The following MUC7 variants were observed in gnomAD, a reference collection of about 807,000 sequenced individuals.
The protein encoded by MUC7 is mucin-7.
In MUC7, 2 loss-of-function variants were observed where a neutral mutation model predicts 2.5. That is an observed-to-expected ratio of 0.81 (90% CI 0.33 to 2.55). The LOEUF is 2.55. MUC7 is among the 30% of genes most tolerant of loss of function. The pLI is 0.11. For missense variants in MUC7, 408 were observed against 455.6 expected, an observed-to-expected ratio of 0.90 and a Z score of 0.95; for synonymous variants, 133 against 173.4, an observed-to-expected ratio of 0.77 and a Z score of 1.83.
intron 1 of MUC7, among the ~76,000 whole-genome samples, chr4:70,440,528 A>T (rs1733976437): frequency 6.6e-6 from 1 of 152,198 alleles, no homozygotes; most frequent in Non-Finnish European, 1.5e-5. Flanking sequence ...AAAACCTAAC[A>T]TTTGATAGAT....
At chr4:70,475,787 G>A (rs905898245) in intron 2 of MUC7, among the ~76,000 whole-genome samples, 4 of 152,118 alleles carry the variant, frequency 2.6e-5, no homozygotes, top group African/African-American at 7.2e-5. Context: ...TATTGAATGA[G>A]GATGGATAGC....
intron 2 of MUC7, among the ~76,000 whole-genome samples, chr4:70,475,650 G>A (rs1467913650): frequency 6.6e-6 from 1 of 152,086 alleles, no homozygotes; most frequent in Non-Finnish European, 1.5e-5. Context: ...GATATAATGT[G>A]ATTACAAGGT....
chr4:70,434,417 G>C (rs146630358), intron 1 of MUC7, among the ~76,000 whole-genome samples: 10,768 of 152,196 alleles, frequency 0.071, 590 homozygotes, highest in East Asian at 0.21. Flanking sequence ...GGTCTATTCA[G>C]AGATTCAACT....
chr4:70,448,699 A>G (rs1734202564), intron 1 of MUC7, among the ~76,000 whole-genome samples: 2 of 152,086 alleles, frequency 1.3e-5, no homozygotes, highest in Non-Finnish European at 2.9e-5. Flanking sequence ...TAGCTTGCAA[A>G]TATTTTCTCC....
At chr4:70,460,464 A>AG (rs1734527372) in intron 1 of MUC7, among the ~76,000 whole-genome samples, 2 of 78,424 alleles carry the variant, frequency 2.6e-5, no homozygotes, top group East Asian at 8.0e-4. Flanking sequence ...AAAGTTATGA[A>AG]AAATTCTTTT....
In MUC7 at chr4:70,482,086, T is replaced by C. The variant is rs1016229978; in HGVS notation, c.*208T>C. ...CTATCCCACAAGCCAGATGCAGGTC[T>C]GGGGTTCAAAATAACTCTTTGGATC... is the stretch of plus-strand genomic sequence containing the variant. On this transcript the variant is annotated 3_prime_UTR_variant, in exon 3 of 3. Coordinates refer to ENST00000304887, the MANE Select transcript of MUC7 (RefSeq NM_152291.3). 8 of 628,186 alleles carry C rather than the reference T, an allele frequency of 1.3e-5. No homozygotes were observed. In the Admixed American group the frequency reaches 2.2e-4, roughly 17 times the overall value. The allele number at this position is 628,186 out of a possible 1,614,324, so 38.9% of individuals were successfully genotyped here. A position where few individuals can be genotyped will look rare whatever the true frequency, so the allele number is the denominator to read the frequency against.
chr4:70,442,544 G>A (rs1036241089), intron 1 of MUC7, among the ~76,000 whole-genome samples: 1 of 152,156 alleles, frequency 6.6e-6, no homozygotes, highest in Non-Finnish European at 1.5e-5. Flanking sequence ...ATGCACAGTA[G>A]CAGCATGGTC....
chr4:70,469,978 A>T (rs1734788383), upstream of MUC7, among the ~76,000 whole-genome samples: 1 of 152,220 alleles, frequency 6.6e-6, no homozygotes, highest in Non-Finnish European at 1.5e-5. Context: ...TTGCAGCACT[A>T]TTTACAATAG....
chr4:70,472,786 C>T (rs547537934), intron 1 of MUC7, among the ~76,000 whole-genome samples: 1 of 152,326 alleles, frequency 6.6e-6, no homozygotes, highest in African/African-American at 2.4e-5. Flanking sequence ...CTGACTCTAA[C>T]ACCCATTTTA....
chr4:70,476,661 C>T (rs547908372), intron 2 of MUC7, among the ~76,000 whole-genome samples: 1 of 152,274 alleles, frequency 6.6e-6, no homozygotes, highest in Admixed American at 6.5e-5. Context: ...GTGGCCCACA[C>T]CTGTAATTGC....
intron 1 of MUC7, among the ~76,000 whole-genome samples, chr4:70,464,816 C>T (rs552343679): frequency 3.9e-5 from 6 of 152,184 alleles, no homozygotes; most frequent in Admixed American, 2.0e-4. Flanking sequence ...AGGTAATGGG[C>T]GCAGCTTCAG....
At chr4:70,432,888 T>C (rs537059320) in intron 1 of MUC7, among the ~76,000 whole-genome samples, 4 of 152,212 alleles carry the variant, frequency 2.6e-5, no homozygotes, top group Admixed American at 2.6e-4. Context: ...CTTTAATCCA[T>C]CTTGAATTAA....
chr4:70,442,185 C>T (rs1168500828), intron 1 of MUC7, among the ~76,000 whole-genome samples: 2 of 152,186 alleles, frequency 1.3e-5, no homozygotes, highest in African/African-American at 4.8e-5. Flanking sequence ...TGCTATCATA[C>T]TTTGGGTTCG....
intron 1 of MUC7, among the ~76,000 whole-genome samples, chr4:70,459,756 T>C (rs933391225): frequency 1.4e-4 from 21 of 152,298 alleles, no homozygotes; most frequent in African/African-American, 5.1e-4. Flanking sequence ...GTAACAGGTA[T>C]AATGAATACA....
intron 1 of MUC7, among the ~76,000 whole-genome samples, chr4:70,463,543 C>T (rs1734608735): frequency 1.3e-5 from 2 of 152,276 alleles, no homozygotes; most frequent in East Asian, 1.9e-4. Flanking sequence ...AGCTTTTCAG[C>T]TCCAGAAGAG....
chr4:70,481,432 G>C lies in MUC7; in HGVS notation c.688G>C (p.Ala230Pro). 6.6e-7 allele frequency: 1 copy of C among 1,508,710 alleles called. No individual in the cohort carries two copies. The highest frequency in any genetic ancestry group is 8.9e-7 in the Non-Finnish European group (1 of 1,126,398). The allele number at this position is 1,508,710 out of a possible 1,614,324, so 93.5% of individuals were successfully genotyped here. A position where few individuals can be genotyped will look rare whatever the true frequency, so the allele number is the denominator to read the frequency against. ...TACACCAGCTCCACCATCTTCCTCAGCTCCACCAGAGACCACAGCTGCCCC... is the reference window on the plus strand; with the variant it reads ...TACACCAGCTCCACCATCTTCCTCACCTCCACCAGAGACCACAGCTGCCCC... Reference protein sequence around the residue: ...ATTPAPPSSSAPPETTAAPPT... With the variant: ...ATTPAPPSSSPPPETTAAPPT... The change falls in exon 3 of 3, where the codon GCT (alanine) becomes CCT (proline). Residue 230 changes from alanine to proline, a missense_variant. Transcript: ENST00000304887.
rs186414931 is a variant in MUC7 at position 70,481,861 on chromosome 4, G to A, written c.1117G>A (p.Asp373Asn). 1.5e-5 allele frequency: 25 copies of A among 1,613,710 alleles called. No individual in the cohort carries two copies. Among genetic ancestry groups the A allele is most frequent in the Middle Eastern group, 1.7e-4 (1 of 6,058 alleles). Residue 373 changes from aspartate to asparagine, a missense_variant, in exon 3 of 3, where the codon GAC (aspartate) becomes AAC (asparagine). Asp to Asn is a conservative substitution (Grantham distance 23). Coordinates refer to ENST00000304887, the MANE Select transcript of MUC7 (RefSeq NM_152291.3). Reference sequence around the variant, plus strand: ...GAATCTACTAAACAGAATTATTGACGACATGGTGGAGCAATAGTATATTGT... The same window carrying A: ...GAATCTACTAAACAGAATTATTGACAACATGGTGGAGCAATAGTATATTGT... ...MKNLLNRIID[D>N]MVEQ
intron 2 of MUC7, among the ~76,000 whole-genome samples, chr4:70,479,653 G>T (rs186789152): frequency 6.0e-4 from 91 of 152,280 alleles, no homozygotes; most frequent in Middle Eastern, 3.4e-3. Flanking sequence ...GATATAAAAG[G>T]CATGAAGTAT....
In MUC7 at chr4:70,465,139, C is replaced by A. The variant is rs560256072; in HGVS notation, c.-92-7076C>A. On this transcript the variant is annotated intron_variant, in intron 1 of 3. Transcript: ENST00000413702. ...GGAGTGGACATCCAGCAAACTCCAG[C>A]AGACCTAGGGCAGAGGGGCCTGACT... Among the ~76,000 whole-genome samples the A allele has an allele frequency of 7.9e-5, 12 of 152,322 alleles. No homozygotes were observed. The East Asian group carries it at 2.3e-3, about 29-fold the overall frequency.
Sources: gnomAD v4.1 joint callset for allele counts (sites outside exome capture counted in the v4.1 genomes callset) on GRCh38, gnomAD v4.1.1 for gene constraint, MANE v1.5 for transcripts, NCBI Gene and HGNC (gene_info 2026-07-23, HGNC 2026-07-21) for gene names.